Variants in CUX2 observed in about 807,000 individuals in gnomAD.
CUX2 encodes homeobox protein cut-like 2.
A neutral mutation model predicts 144.8 loss-of-function variants in CUX2; 40 were observed. The ratio of observed to expected loss-of-function variants is 0.28; its 90% CI spans 0.21 to 0.36. The LOEUF (loss-of-function observed/expected upper bound fraction) is 0.36. Ranked by LOEUF, CUX2 falls within the 10% of genes least tolerant of loss-of-function variation. The pLI is 1.00. For synonymous variants in CUX2, 827 were observed against 875.6 expected (o/e 0.94, Z 0.98); for missense variants, 1,615 against 1,994.0 (o/e 0.81, Z 3.62).
chr12:111,187,873 T>C (rs1415593680), intron 1 of CUX2, among the ~76,000 whole-genome samples: 15 of 152,210 alleles, frequency 9.9e-5, no homozygotes, highest in Admixed American at 2.0e-4. Context: ...TCAGATCTGT[T>C]GAAGAGCCAG....
In CUX2 at chr12:111,320,550, C is replaced by G. The variant is rs1260432614; in HGVS notation, c.2541C>G (p.Pro847=). ...CGGCAGGGGCGGAGGACGAACCCCC[C>G]AGGACGGGCGAGCTCAAGGCTGAGG... is the stretch of plus-strand genomic sequence containing the variant. ...EAAAGAEDEP[P]RTGELKAEGA... Residue 847 remains proline (P), a synonymous_variant, in exon 17 of 22, where the codon CCC becomes CCG. Coordinates refer to ENST00000261726, the MANE Select transcript of CUX2 (RefSeq NM_015267.4). This position sits in a 1 kb window ranked among gnomAD's most constrained non-coding sequence, Gnocchi z 8.1. The G allele has an allele frequency of 5.2e-6, 8 of 1,541,016 alleles. No individual in the cohort carries two copies. The Admixed American group carries it at 1.6e-4, about 30-fold the overall frequency.
At chr12:111,172,069 G>A (rs1878566483) in intron 1 of CUX2, among the ~76,000 whole-genome samples, 1 of 151,854 alleles carries the variant, frequency 6.6e-6, no homozygotes, top group Admixed American at 6.6e-5. Context: ...GCACACGTGT[G>A]TGCATGCACC....
chr12:111,119,239 G>C (rs1190157111), intron 1 of CUX2, among the ~76,000 whole-genome samples: 1 of 152,164 alleles, frequency 6.6e-6, no homozygotes, highest in Non-Finnish European at 1.5e-5. Context: ...AGATGCATGT[G>C]CAGGGTGCAT....
At chr12:111,109,858 C>T (rs1873832180) in intron 1 of CUX2, among the ~76,000 whole-genome samples, 1 of 151,736 alleles carries the variant, frequency 6.6e-6, no homozygotes, top group African/African-American at 2.4e-5. Flanking sequence ...GTGGATCTCC[C>T]CCGATCTCTA....
At chr12:111,266,417 G>C (rs1884390323) in intron 4 of CUX2, among the ~76,000 whole-genome samples, 1 of 150,396 alleles carries the variant, frequency 6.6e-6, no homozygotes, top group Non-Finnish European at 1.5e-5. Flanking sequence ...GTTGCAATGA[G>C]CCGAGATCAC....
intron 1 of CUX2, among the ~76,000 whole-genome samples, chr12:111,075,510 A>G (rs776687314): frequency 3.9e-5 from 6 of 152,054 alleles, no homozygotes; most frequent in Non-Finnish European, 8.8e-5. Context: ...TTCCCCGGCA[A>G]TGGGTAGAGG....
At chr12:111,090,496 C>T (rs1001257208) in intron 1 of CUX2, among the ~76,000 whole-genome samples, 10 of 152,106 alleles carry the variant, frequency 6.6e-5, no homozygotes, top group African/African-American at 1.9e-4. Flanking sequence ...ACCTCCTGGC[C>T]TCAAGTGATC....
chr12:111,326,418 G>A (rs1689683550), intron 18 of CUX2, among the ~76,000 whole-genome samples: 2 of 141,008 alleles, frequency 1.4e-5, no homozygotes, highest in Non-Finnish European at 3.1e-5. Context: ...GTTGTGTTGG[G>A]GGAGGGGTGG....
intron 1 of CUX2, among the ~76,000 whole-genome samples, chr12:111,063,874 A>G (rs1321514172): frequency 6.6e-6 from 1 of 152,192 alleles, no homozygotes; most frequent in Non-Finnish European, 1.5e-5. Context: ...AATATTGCTC[A>G]TTGTGAAAAA....
At chr12:111,130,829 C>T (rs1875422579) in intron 1 of CUX2, among the ~76,000 whole-genome samples, 1 of 152,240 alleles carries the variant, frequency 6.6e-6, no homozygotes, top group Non-Finnish European at 1.5e-5. Flanking sequence ...CAACCCAACA[C>T]ATGGTTAGAA....
At chr12:111,274,770 T>C (rs975232537) in intron 4 of CUX2, among the ~76,000 whole-genome samples, 9 of 152,184 alleles carry the variant, frequency 5.9e-5, no homozygotes, top group Non-Finnish European at 7.3e-5. Flanking sequence ...AGAAGGCTTC[T>C]GTCTCGAAGA....
intron 1 of CUX2, among the ~76,000 whole-genome samples, chr12:111,114,947 A>G (rs1020618697): frequency 6.6e-6 from 1 of 152,092 alleles, no homozygotes; most frequent in African/African-American, 2.4e-5. Flanking sequence ...CATTGTTTTG[A>G]TTCCTTTATT....
chr12:111,177,797 CTGGGTTAGCATT>C (rs1357737554), intron 1 of CUX2, among the ~76,000 whole-genome samples: 1 of 152,206 alleles, frequency 6.6e-6, no homozygotes, highest in Non-Finnish European at 1.5e-5. Flanking sequence ...GGCCCGAGGC[CTGGGTTAGCATT>C]TGGGTTTTGC....
intron 3 of CUX2, among the ~76,000 whole-genome samples, chr12:111,223,462 A>T (rs1432383231): frequency 6.6e-6 from 1 of 152,086 alleles, no homozygotes; most frequent in African/African-American, 2.4e-5. Context: ...CTGTGTCTCC[A>T]TCCTTTGAAT....
chr12:111,089,317 C>A (rs1872424508), intron 1 of CUX2, among the ~76,000 whole-genome samples: 1 of 152,216 alleles, frequency 6.6e-6, no homozygotes, highest in African/African-American at 2.4e-5. Context: ...CTCTTCAAGC[C>A]TCAGTTTCCC....
chr12:111,259,624 G>A (rs1353216126), intron 3 of CUX2, among the ~76,000 whole-genome samples: 1 of 152,046 alleles, frequency 6.6e-6, no homozygotes, highest in Non-Finnish European at 1.5e-5. Context: ...ATCACTTTGG[G>A]AGGCTGAGGC....
intron 1 of CUX2, among the ~76,000 whole-genome samples, chr12:111,184,996 G>A (rs996181012): frequency 2.0e-5 from 3 of 151,448 alleles, no homozygotes; most frequent in Non-Finnish European, 2.9e-5. Flanking sequence ...CCCAGGAGGC[G>A]GAGCTTGCAG....
At chr12:111,184,027 G>A (rs1323644340) in intron 1 of CUX2, among the ~76,000 whole-genome samples, 5 of 151,958 alleles carry the variant, frequency 3.3e-5, no homozygotes, top group Admixed American at 2.0e-4. Context: ...TTACATCCTC[G>A]ACATCCTGAC....
intron 1 of CUX2, among the ~76,000 whole-genome samples, chr12:111,165,855 C>A (rs1878103862): frequency 6.6e-6 from 1 of 152,154 alleles, no homozygotes; most frequent in Admixed American, 6.5e-5. Flanking sequence ...TTAACATTTA[C>A]CAGCATCCTA....
Sources: allele counts gnomAD v4.1 joint callset (sites outside exome capture counted in the v4.1 genomes callset), GRCh38; gene constraint gnomAD v4.1.1; non-coding constraint Gnocchi (gnomAD v3.1); transcripts MANE v1.5; gene names NCBI Gene and HGNC (gene_info 2026-07-23, HGNC 2026-07-21).